The following SPATA6 variants were observed in gnomAD, a reference collection of about 807,000 sequenced individuals.
SPATA6 encodes the protein spermatogenesis-associated protein 6.
A neutral mutation model predicts 65.3 loss-of-function variants in SPATA6; 56 were observed. That is an observed-to-expected ratio of 0.86 (90% confidence interval 0.69 to 1.07). SPATA6 has a LOEUF of 1.07. Ranked by LOEUF, SPATA6 falls within the 50% of genes least tolerant of loss-of-function variation. The probability of loss-of-function intolerance (pLI) is 0.00; values close to 1 mark genes in which losing one functional copy is unlikely to be tolerated. For missense variants in SPATA6, 590 were observed against 594.8 expected (o/e 0.99, Z 0.08); for synonymous variants, 199 against 213.2 (o/e 0.93, Z 0.58).
the SPATA6 span, among the ~76,000 whole-genome samples, chr1:48,269,432 G>A: frequency 6.6e-6 from 1 of 152,104 alleles, no homozygotes; most frequent in South Asian, 2.1e-4. Context: ...ATGAAATCCA[G>A]GGTCTGTTCA....
intron 8 of SPATA6, among the ~76,000 whole-genome samples, chr1:48,392,070 T>G (rs973190085): frequency 3.3e-5 from 5 of 152,242 alleles, no homozygotes; most frequent in African/African-American, 1.2e-4. Context: ...ACATGCTATT[T>G]TATTCAGAAA....
In SPATA6 at chr1:48,342,476, C is replaced by T. The variant is rs142459454; in HGVS notation, c.1194+13194G>A. The stretch of plus-strand genomic sequence containing the variant: ...TAAAAATACAAAATAATTAGTCGGA[C>T]GTGGTGGCCCGCCCCTGTAGTCCCA... On this transcript the variant is annotated intron_variant, in intron 11 of 12. Transcript: ENST00000371847. Among the ~76,000 whole-genome samples the T allele has an allele frequency of 5.2e-3, 784 of 151,872 alleles. 18 individuals are homozygous for T. Among genetic ancestry groups the T allele is most frequent in the South Asian group, 0.049 (237 of 4,806 alleles).
intron 8 of SPATA6, among the ~76,000 whole-genome samples, chr1:48,385,664 T>C (rs1012395916): frequency 6.6e-6 from 1 of 152,174 alleles, no homozygotes; most frequent in Non-Finnish European, 1.5e-5. Context: ...TGATAATCAA[T>C]TTATGATGAA....
At chr1:48,340,696 T>C (rs1471829688) in intron 11 of SPATA6, among the ~76,000 whole-genome samples, 1 of 151,682 alleles carries the variant, frequency 6.6e-6, no homozygotes. Flanking sequence ...TCCAACAATA[T>C]CAAGTAATTA....
chr1:48,432,816 A>G (rs192641982), intron 3 of SPATA6, among the ~76,000 whole-genome samples: 106 of 152,346 alleles, frequency 7.0e-4, no homozygotes, highest in South Asian at 8.3e-4. Flanking sequence ...TCACAAACAG[A>G]TATCTGTACT....
intron 9 of SPATA6, among the ~76,000 whole-genome samples, chr1:48,370,106 T>G (rs577966512): frequency 2.0e-5 from 3 of 152,150 alleles, no homozygotes. Flanking sequence ...AACCTCAAGG[T>G]CAAATTAGTG....
chr1:48,280,794 AT>A, the SPATA6 span, among the ~76,000 whole-genome samples: 6 of 152,172 alleles, frequency 3.9e-5, no homozygotes, highest in African/African-American at 1.4e-4. Flanking sequence ...AACTATTCCA[AT>A]CAATAGAAAA....
In SPATA6 at chr1:48,417,905, T is replaced by C. The variant is rs575838325; in HGVS notation, c.239-4754A>G. ...TTGTTTGGTTTTTTTTGTTTGATTT[T>C]GAACAACATCAACATCCATGTGAAT... is the stretch of plus-strand genomic sequence containing the variant. On this transcript the variant is annotated intron_variant, in intron 3 of 12. Transcript: ENST00000371847. 2.6e-5 allele frequency among the ~76,000 whole-genome samples: 4 copies of C among 152,284 alleles called. No individual in the cohort carries two copies. The East Asian group carries it at 7.7e-4, about 29-fold the overall frequency.
intron 12 of SPATA6, among the ~76,000 whole-genome samples, chr1:48,299,516 G>GAAACAAAAAAAAAA (rs1644881705): frequency 2.6e-5 from 1 of 38,188 alleles, no homozygotes; most frequent in Non-Finnish European, 4.8e-5. Flanking sequence ...CTCCGTCTCG[G>GAAACAAAAAAAAAA]AAAAAAAAAA....
chr1:48,321,222 G>A (rs1645589891), intron 11 of SPATA6, among the ~76,000 whole-genome samples: 1 of 152,030 alleles, frequency 6.6e-6, no homozygotes, highest in Non-Finnish European at 1.5e-5. Context: ...AAATGGAGTG[G>A]TGAAATAAAT....
chr1:48,385,350 C>T lies in SPATA6; in HGVS notation c.869-1G>A. The T allele has an allele frequency of 6.2e-7, 1 of 1,607,822 alleles. No homozygotes were observed. ...CGGCAGCAGCCAAGATGAGAATGAT[C>T]TGAAAAAGGAAGTACAAAACAATTA... On this transcript the variant is annotated splice_acceptor_variant, in intron 8 of 12. Transcript: ENST00000371847. LOFTEE classifies it high-confidence loss of function.
chr1:48,437,718 C>T (rs1206724418), intron 3 of SPATA6, among the ~76,000 whole-genome samples: 3 of 152,030 alleles, frequency 2.0e-5, no homozygotes, highest in Non-Finnish European at 4.4e-5. Flanking sequence ...TCTGTTAATA[C>T]TTATGGTAAC....
the SPATA6 span, among the ~76,000 whole-genome samples, chr1:48,281,049 A>G: frequency 3.9e-5 from 6 of 152,234 alleles, no homozygotes; most frequent in African/African-American, 1.4e-4. Flanking sequence ...CAATAAACAT[A>G]ATCCAGCATA....
intron 9 of SPATA6, among the ~76,000 whole-genome samples, chr1:48,366,377 C>T (rs868832931): frequency 2.0e-5 from 3 of 151,812 alleles, no homozygotes; most frequent in Non-Finnish European, 2.9e-5. Context: ...TGGTAGTACC[C>T]GTTCCTCCTT....
chr1:48,430,037 T>G (rs1654254494), intron 3 of SPATA6, among the ~76,000 whole-genome samples: 1 of 151,948 alleles, frequency 6.6e-6, no homozygotes, highest in Non-Finnish European at 1.5e-5. Context: ...GGGAAATCCA[T>G]GAAGGAGGAA....
intron 11 of SPATA6, among the ~76,000 whole-genome samples, chr1:48,315,632 G>A (rs1273128989): frequency 6.6e-6 from 1 of 152,154 alleles, no homozygotes; most frequent in Non-Finnish European, 1.5e-5. Flanking sequence ...ACTGGCACAA[G>A]ACAGGGATGC....
rs540054804 is a variant in SPATA6 at position 48,343,469 on chromosome 1, A to G, written c.1194+12201T>C. Among the ~76,000 whole-genome samples, 10 of 152,332 alleles carry G rather than the reference A, an allele frequency of 6.6e-5. No homozygotes were observed. The East Asian group carries it at 1.9e-3, about 29-fold the overall frequency. On this transcript the variant is annotated intron_variant, in intron 11 of 12. Transcript: ENST00000371847. ...CAGATGAAGCGGAATGAGGAGTAGA[A>G]GGACAGATAAGAAAATTCAATACTT...
chr1:48,305,494 T>G (rs1158656375), intron 12 of SPATA6, among the ~76,000 whole-genome samples: 1 of 152,070 alleles, frequency 6.6e-6, no homozygotes, highest in East Asian at 1.9e-4. Context: ...TGGTTCATGG[T>G]GTAAAATTAT....
chr1:48,414,227 A>G (rs552525328), intron 3 of SPATA6, among the ~76,000 whole-genome samples: 1 of 152,342 alleles, frequency 6.6e-6, no homozygotes, highest in East Asian at 1.9e-4. Context: ...TACTTCCAGG[A>G]GTTCTACTAG....
Sources: gnomAD v4.1 joint callset for allele counts (sites outside exome capture counted in the v4.1 genomes callset) on GRCh38, gnomAD v4.1.1 for gene constraint, MANE v1.5 for transcripts, NCBI Gene and HGNC (gene_info 2026-07-23, HGNC 2026-07-21) for gene names.